The following PLXNA4 variants were observed in gnomAD, a reference collection of about 807,000 sequenced individuals.
PLXNA4 encodes the protein plexin A4.
Under a neutral mutation model 191.8 loss-of-function variants are expected in PLXNA4, and 44 were observed. The observed-to-expected ratio is 0.23, with a 90% confidence interval of 0.18 to 0.29. The LOEUF is 0.29. Among genes scored for constraint, PLXNA4 ranks in the 10% least tolerant of loss-of-function variants. The probability of loss-of-function intolerance (pLI) is 1.00; values close to 1 mark genes in which losing one functional copy is unlikely to be tolerated. For synonymous variants in PLXNA4, 1,082 were observed against 1,009.5 expected, an observed-to-expected ratio of 1.07 and a Z score of -1.36; for missense variants, 1,800 against 2,488.8, an observed-to-expected ratio of 0.72 and a Z score of 5.89.
intron 2 of PLXNA4, among the ~76,000 whole-genome samples, chr7:132,623,818 C>G (rs941764097): frequency 6.6e-6 from 1 of 152,240 alleles, no homozygotes; most frequent in Non-Finnish European, 1.5e-5. Flanking sequence ...CCAAAGGTGG[C>G]AGACCACCAA....
At chr7:132,433,469 G>A (rs1391776020) in intron 3 of PLXNA4, among the ~76,000 whole-genome samples, 2 of 152,078 alleles carry the variant, frequency 1.3e-5, no homozygotes, top group African/African-American at 2.4e-5. Context: ...ATGTGGCCAC[G>A]GCCACAGCAG....
intron 1 of PLXNA4, among the ~76,000 whole-genome samples, chr7:132,563,053 GCCTCCTTCTCCTCCTCCT>G (rs1315848428): frequency 9.3e-5 from 3 of 32,308 alleles, no homozygotes; most frequent in African/African-American, 2.4e-4. Flanking sequence ...TTCTTTCTCT[GCCTCCTTCTCCTCCTCCT>G]CCTCCTTCTC....
At position 132,136,198 on chromosome 7, in the gene PLXNA4, C is replaced by T. The variant is rs550816763; in HGVS notation, c.5439-2999G>A. On this transcript the variant is annotated intron_variant, in intron 30 of 31. Coordinates refer to ENST00000321063, the MANE Select transcript of PLXNA4 (RefSeq NM_020911.2). Reference sequence around the variant, plus strand: ...TGCCGGGTGAACCTTGCTTCCTTCTCGCTCCTGTTGTGCCGGCCCCAGTGC... The same window carrying T: ...TGCCGGGTGAACCTTGCTTCCTTCTTGCTCCTGTTGTGCCGGCCCCAGTGC... 8.3e-4 allele frequency among the ~76,000 whole-genome samples: 126 copies of T among 152,314 alleles called. 4 individuals carry two copies. In the South Asian group the frequency reaches 0.026, roughly 31 times the overall value.
chr7:132,222,024 C>T (rs968304761), intron 9 of PLXNA4, among the ~76,000 whole-genome samples: 3 of 152,176 alleles, frequency 2.0e-5, no homozygotes, highest in African/African-American at 7.2e-5. Context: ...CTTCCAAAGG[C>T]CCCAAGTCAT....
chr7:132,403,259 A>G (rs1794070065), intron 3 of PLXNA4, among the ~76,000 whole-genome samples: 1 of 152,230 alleles, frequency 6.6e-6, no homozygotes, highest in Non-Finnish European at 1.5e-5. Context: ...CTGGCAATGC[A>G]CTGCCCCCTC....
intron 3 of PLXNA4, among the ~76,000 whole-genome samples, chr7:132,375,206 C>G (rs897427507): frequency 6.6e-6 from 1 of 152,168 alleles, no homozygotes; most frequent in Non-Finnish European, 1.5e-5. Flanking sequence ...AGAGACTGAT[C>G]GGGCTTTCCA....
At chr7:132,144,097 A>T (rs1025471947) in intron 29 of PLXNA4, among the ~76,000 whole-genome samples, 5 of 152,222 alleles carry the variant, frequency 3.3e-5, no homozygotes, top group African/African-American at 1.2e-4. Context: ...TGCTTTGCCC[A>T]TCCTAGCAGT....
At chr7:132,509,631 A>G (rs992455724) in intron 1 of PLXNA4, among the ~76,000 whole-genome samples, 2 of 152,182 alleles carry the variant, frequency 1.3e-5, no homozygotes, top group African/African-American at 4.8e-5. Flanking sequence ...AAACCATCTC[A>G]GTTCACCCCA....
chr7:132,305,884 T>C (rs1801499919), intron 3 of PLXNA4, among the ~76,000 whole-genome samples: 1 of 151,948 alleles, frequency 6.6e-6, no homozygotes, highest in African/African-American at 2.4e-5. Flanking sequence ...CCAAACTTCC[T>C]AATGGAGGTC....
chr7:132,134,001 A>T (rs2116510032), intron 30 of PLXNA4, among the ~76,000 whole-genome samples: 1 of 152,240 alleles, frequency 6.6e-6, no homozygotes, highest in East Asian at 1.9e-4. Context: ...GCCTAGCCCA[A>T]TCCAGCCCAT....
intron 25 of PLXNA4, among the ~76,000 whole-genome samples, chr7:132,151,306 GGAAGAAGGAGGAGGAGGAGGAA>G (rs1795599846): frequency 7.3e-5 from 4 of 54,638 alleles, no homozygotes; most frequent in Non-Finnish European, 1.0e-4. Context: ...AGAAGGAGGA[GGAAGAAGGAGGAGGAGGAGGAA>G]GAAGAAGGAG....
Position 132,146,798 on chromosome 7 carries a change from G to C in PLXNA4, c.4865-98C>G, listed in dbSNP as rs1045195112. On this transcript the variant is annotated intron_variant, in intron 27 of 31. Coordinates refer to ENST00000321063, the MANE Select transcript of PLXNA4 (RefSeq NM_020911.2). The stretch of plus-strand genomic sequence containing the variant: ...CTTGCTCCGGCAGAAGCCAACGACT[G>C]TCTGATCATTCCTGCCATTGGTCGG... 9 of 1,550,990 alleles carry C rather than the reference G, an allele frequency of 5.8e-6. No individual in the cohort carries two copies. The African/African-American group carries it at 1.2e-4, about 21-fold the overall frequency.
intron 18 of PLXNA4, 86 bp from the exon 19 acceptor site, chr7:132,180,818 C>T: frequency 3.9e-6 from 6 of 1,544,758 alleles, no homozygotes; most frequent in Non-Finnish European, 5.3e-6. Context: ...ACCTGGAGGT[C>T]CCATCCCGCT....
intron 2 of PLXNA4, among the ~76,000 whole-genome samples, chr7:132,493,747 GTGGATGGATGGATGGATGGATGGA>G (rs369999925): frequency 2.0e-5 from 3 of 146,398 alleles, no homozygotes; most frequent in South Asian, 2.2e-4. Flanking sequence ...GGGTGGATGG[GTGGATGGATGGATGGATGGATGGA>G]TGGATGGATG....
At chr7:132,393,207 C>CCACCAA (rs1793592418) in intron 3 of PLXNA4, among the ~76,000 whole-genome samples, 2 of 142,370 alleles carry the variant, frequency 1.4e-5, no homozygotes, top group Non-Finnish European at 3.1e-5. Context: ...CCCACCACCA[C>CCACCAA]CACCACTGAC....
intron 5 of PLXNA4, among the ~76,000 whole-genome samples, chr7:132,234,275 C>A (rs1798621307): frequency 1.3e-5 from 2 of 152,206 alleles, no homozygotes; most frequent in African/African-American, 4.8e-5. Context: ...TATCCAACAG[C>A]CTGGTGTCTT....
chr7:132,317,979 C>T (rs1391922715), intron 3 of PLXNA4, among the ~76,000 whole-genome samples: 5 of 152,198 alleles, frequency 3.3e-5, no homozygotes, highest in Admixed American at 2.0e-4. Flanking sequence ...TCTCTGAGAG[C>T]GCAAGAATCT....
chr7:132,525,318 C>T (rs751864127), intron 1 of PLXNA4, among the ~76,000 whole-genome samples: 4 of 152,190 alleles, frequency 2.6e-5, no homozygotes, highest in Non-Finnish European at 4.4e-5. Context: ...GGCATAATCA[C>T]GGCTCACTGC....
At chr7:132,167,786 A>G (rs1477734575) in intron 22 of PLXNA4, among the ~76,000 whole-genome samples, 2 of 152,166 alleles carry the variant, frequency 1.3e-5, no homozygotes, top group Non-Finnish European at 2.9e-5. Flanking sequence ...TGGCCTCAAG[A>G]GATCCTCCTG....
Sources: gnomAD v4.1 joint callset for allele counts (sites outside exome capture counted in the v4.1 genomes callset) on GRCh38, gnomAD v4.1.1 for gene constraint, MANE v1.5 for transcripts, NCBI Gene and HGNC (gene_info 2026-07-23, HGNC 2026-07-21) for gene names.